Variants in WDR55 observed in about 807,000 individuals in gnomAD.
The protein encoded by WDR55 is WD repeat domain 55.
Under a neutral mutation model 34.0 loss-of-function variants are expected in WDR55, and 31 were observed. The observed-to-expected ratio is 0.91, with a 90% confidence interval of 0.69 to 1.23. The LOEUF is 1.23. WDR55 is among the 50% of genes most tolerant of loss of function. The pLI is 0.00. For synonymous variants in WDR55, 164 were observed against 185.9 expected, an observed-to-expected ratio of 0.88 and a Z score of 0.96; for missense variants, 440 against 494.6, an observed-to-expected ratio of 0.89 and a Z score of 1.05.
Position 140,668,399 on chromosome 5 carries a change from G to A in WDR55, c.293-16G>A, listed in dbSNP as rs115157171. On this transcript the variant is annotated splice_polypyrimidine_tract_variant and intron_variant, in intron 2 of 6. Coordinates refer to ENST00000358337, the MANE Select transcript of WDR55 (RefSeq NM_017706.5). ...GAGCAGTGAGCAGCACCATGACCTGGGCACCTTTTCCCCAGAGCTCATTAC... is the reference window on the plus strand; with the variant it reads ...GAGCAGTGAGCAGCACCATGACCTGAGCACCTTTTCCCCAGAGCTCATTAC... 2,701 of 1,614,168 alleles carry A rather than the reference G, an allele frequency of 1.7e-3. 34 individuals are homozygous for A. In the African/African-American group the frequency reaches 0.03, roughly 18 times the overall value.
rs950014290 is a variant in WDR55, at chr5:140,669,455, G to A, written c.953G>A (p.Arg318His). 1.2e-5 allele frequency: 20 copies of A among 1,613,988 alleles called. No homozygotes were observed. The highest frequency in any genetic ancestry group is 8.9e-5 in the East Asian group (4 of 44,884). The stretch of plus-strand genomic sequence containing the variant: ...CTGGCCAGTAGTGGCCATGACCAGC[G>A]CCTCAAGTTTTGGGACATGGCCCAG... ...RFLASSGHDQ[R>H]LKFWDMAQLR... The change falls in exon 7 of 7, where the codon CGC (arginine) becomes CAC (histidine). Residue 318 changes from arginine (R) to histidine (H), a missense_variant. Coordinates refer to ENST00000358337, the MANE Select transcript of WDR55 (RefSeq NM_017706.5).
chr5:140,668,092 A>G, intron 1 of WDR55, 142 bp from the exon 2 acceptor site: 1 of 836,326 alleles, frequency 1.2e-6, no homozygotes, highest in Non-Finnish European at 1.8e-6. Flanking sequence ...TGGAGAAATG[A>G]GATGGTAAAC....
chr5:140,666,619 A>T, intron 1 of WDR55: 1 of 985,128 alleles, frequency 1.0e-6, no homozygotes, highest in Admixed American at 6.1e-5. Context: ...CCATTTGTGT[A>T]ATTATTTGAA....
At position 140,669,486 on chromosome 5, in the gene WDR55, A is replaced by G. The variant is rs760588776; in HGVS notation, c.984A>G (p.Arg328=). The G allele has an allele frequency of 6.2e-7, 1 of 1,614,074 alleles. No homozygotes were observed. Among genetic ancestry groups the G allele is most frequent in the Admixed American group, 1.7e-5 (1 of 60,008 alleles). The change falls in exon 7 of 7, where the codon CGA becomes CGG. Residue 328 remains arginine (R), a synonymous_variant. Coordinates refer to ENST00000358337, the MANE Select transcript of WDR55 (RefSeq NM_017706.5). ...RLKFWDMAQL[R]AVVVDDYRRR... The stretch of plus-strand genomic sequence containing the variant: ...AGTTTTGGGACATGGCCCAGCTGCG[A>G]GCTGTGGTGGTGGATGACTACCGTC...
Position 140,666,991 on chromosome 5 carries a change from A to C in WDR55, c.192-1243A>C, listed in dbSNP as rs1438044278. The stretch of plus-strand genomic sequence containing the variant: ...TAATGAATTTAAACCTCAACCCCTC[A>C]TTAGCTGTAATGGCCTTGAGCGTGT... On this transcript the variant is annotated intron_variant, in intron 1 of 6. Coordinates refer to ENST00000358337, the MANE Select transcript of WDR55 (RefSeq NM_017706.5). 5.1e-6 allele frequency: 5 copies of C among 985,266 alleles called. No individual in the cohort carries two copies. In the African/African-American group the frequency reaches 8.7e-5, roughly 17 times the overall value. 61.0% of individuals were successfully genotyped at this position (985,266 alleles called of 1,614,324 possible).
rs757180420 is a variant in WDR55, at chr5:140,671,828, C to T, written c.*2174C>T. On this transcript the variant is annotated 3_prime_UTR_variant, in exon 7 of 7. Transcript: ENST00000358337. ...CCAGGTGGTGAGCCCTTTGGAGCTA[C>T]ACAGTCCTGTTATTTGTAGCCTTCC... 2.1e-6 allele frequency: 3 copies of T among 1,453,374 alleles called. No individual in the cohort carries two copies. Among genetic ancestry groups the T allele is most frequent in the Non-Finnish European group, 2.8e-6 (3 of 1,058,672 alleles). The allele number at this position is 1,453,374 out of a possible 1,614,324, so 90.0% of individuals were successfully genotyped here. A position where few individuals can be genotyped will look rare whatever the true frequency, so the allele number is the denominator to read the frequency against.
In WDR55 at chr5:140,668,500, T is replaced by G; in HGVS notation, c.378T>G (p.His126Gln). ...GQLERRVSKAHGAPINSLLLV... is the reference protein window; with the variant it reads ...GQLERRVSKAQGAPINSLLLV... ...TGGAAAGACGTGTTTCCAAGGCTCA[T>G]GGGTAAGGAGAGCAGCCAATTCTGT... Residue 126 changes from histidine (H) to glutamine (Q), a missense_variant and splice_region_variant, in exon 3 of 7, where the codon CAT becomes CAG. Coordinates refer to ENST00000358337, the MANE Select transcript of WDR55 (RefSeq NM_017706.5). 1 of 1,614,030 alleles carries G rather than the reference T, an allele frequency of 6.2e-7. No homozygotes were observed. The highest frequency in any genetic ancestry group is 1.1e-5 in the South Asian group (1 of 91,070).
chr5:140,666,823 T>A, intron 1 of WDR55: 1 of 985,388 alleles, frequency 1.0e-6, no homozygotes, highest in South Asian at 4.7e-5. Context: ...TGTTCTGGAG[T>A]GTAATCTGTC....
rs1204495377 is a variant in WDR55, at chr5:140,671,525, C to T, written c.*1871C>T. On this transcript the variant is annotated 3_prime_UTR_variant, in exon 7 of 7. Transcript: ENST00000358337. ...CCAGCCAGCAGGTCCTATGCCCAAA[C>T]ACTTGGTGAGGAACACAGGGCTGCC... 18 of 1,577,696 alleles carry T rather than the reference C, an allele frequency of 1.1e-5. No homozygotes were observed. Among genetic ancestry groups the T allele is most frequent in the Non-Finnish European group, 1.5e-5 (18 of 1,163,630 alleles).
At position 140,671,876 on chromosome 5, in the gene WDR55, G is replaced by C. The variant is rs1581494901; in HGVS notation, c.*2222G>C. On this transcript the variant is annotated 3_prime_UTR_variant, in exon 7 of 7. Coordinates refer to ENST00000358337, the MANE Select transcript of WDR55 (RefSeq NM_017706.5). Reference sequence around the variant, plus strand: ...TCCCATTTCCTGGTAGTGTGACCATGGGTAAGAAAAGACAATGAAGCCTTC... The same window carrying C: ...TCCCATTTCCTGGTAGTGTGACCATCGGTAAGAAAAGACAATGAAGCCTTC... 1 of 1,099,314 alleles carries C rather than the reference G, an allele frequency of 9.1e-7. No individual in the cohort carries two copies. Among genetic ancestry groups the C allele is most frequent in the East Asian group, 2.6e-5 (1 of 38,644 alleles). 68.1% of individuals were successfully genotyped at this position (1,099,314 alleles called of 1,614,324 possible).
In WDR55 at chr5:140,671,442, T is replaced by G; in HGVS notation, c.*1788T>G. 1.2e-6 allele frequency: 2 copies of G among 1,611,612 alleles called. No homozygotes were observed. The highest frequency in any genetic ancestry group is 1.7e-6 in the Non-Finnish European group (2 of 1,179,712). On this transcript the variant is annotated 3_prime_UTR_variant, in exon 7 of 7. Transcript: ENST00000358337. ...CCATCTAGGGTCAGCACAACCCAGA[T>G]GAGGCCGCTGAAGGGCACCGGATGC...
chr5:140,669,703 C>T lies in WDR55; in HGVS notation c.*49C>T. The T allele has an allele frequency of 6.6e-7, 1 of 1,523,716 alleles. No individual in the cohort carries two copies. Among genetic ancestry groups the T allele is most frequent in the Non-Finnish European group, 8.9e-7 (1 of 1,120,608 alleles). The allele number at this position is 1,523,716 out of a possible 1,614,324, so 94.4% of individuals were successfully genotyped here. ...GGGTCCTCACCAGGCAAGAGTCTTG[C>T]TTATTGGGCTGCATCCCCAGAGAGG... is the stretch of plus-strand genomic sequence containing the variant. On this transcript the variant is annotated 3_prime_UTR_variant, in exon 7 of 7. Coordinates refer to ENST00000358337, the MANE Select transcript of WDR55 (RefSeq NM_017706.5).
Position 140,664,921 on chromosome 5 carries a change from C to G in WDR55, c.9C>G (p.Arg3=), listed in dbSNP as rs779860126. The change falls in exon 1 of 7, where the codon CGC becomes CGG. Residue 3 remains arginine, a synonymous_variant. Transcript: ENST00000358337. ...TCGCAGTCCTTCTCAGCATGGACCG[C>G]ACTTGTGAGGAGAGGCCCGCTGAGG... is the stretch of plus-strand genomic sequence containing the variant. MD[R]TCEERPAEDG... is the part of the protein sequence containing the mutation. 1.2e-6 allele frequency: 2 copies of G among 1,603,390 alleles called. No individual in the cohort carries two copies. Among genetic ancestry groups the G allele is most frequent in the Non-Finnish European group, 1.7e-6 (2 of 1,175,358 alleles).
rs773826589 is a variant in WDR55, at chr5:140,669,548, G to A, written c.1046G>A (p.Ser349Asn). 5.6e-6 allele frequency: 9 copies of A among 1,614,010 alleles called. No homozygotes were observed. Among genetic ancestry groups the A allele is most frequent in the Non-Finnish European group, 7.6e-6 (9 of 1,180,012 alleles). Residue 349 changes from serine to asparagine, a missense_variant, in exon 7 of 7, where the codon AGC (serine) becomes AAC (asparagine). By Grantham distance (46) the Ser-to-Asn change is conservative (BLOSUM62 1). Transcript: ENST00000358337. ...KKKGGPLRAL[S>N]SKTWSTDDFF... ...AAGGGAGGACCACTGCGGGCTCTGA[G>A]CAGCAAGACTTGGAGCACCGATGAC... is the stretch of plus-strand genomic sequence containing the variant.
rs559983053 is a variant in WDR55 at position 140,671,003 on chromosome 5, G to A, written c.*1349G>A. On this transcript the variant is annotated 3_prime_UTR_variant, in exon 7 of 7. Coordinates refer to ENST00000358337, the MANE Select transcript of WDR55 (RefSeq NM_017706.5). ...TTCATGCTAAGCTGTGGCAGAGGGG[G>A]GAAGGTATGATCGGGTGGGGGTGGG... 2.0e-4 allele frequency: 104 copies of A among 528,340 alleles called. No individual in the cohort carries two copies. Among genetic ancestry groups the A allele is most frequent in the Non-Finnish European group, 3.1e-4 (91 of 291,080 alleles). The allele number at this position is 528,340 out of a possible 1,614,324, so 32.7% of individuals were successfully genotyped here.
At position 140,668,494 on chromosome 5, in the gene WDR55, G is replaced by C. The variant is rs750499741; in HGVS notation, c.372G>C (p.Lys124Asn). Residue 124 changes from lysine (K) to asparagine (N), a missense_variant, in exon 3 of 7, where the codon AAG becomes AAC. Physicochemically the swap from Lys to Asn is moderately conservative, Grantham distance 94. Transcript: ENST00000358337. ...GCCAACTGGAAAGACGTGTTTCCAAGGCTCATGGGTAAGGAGAGCAGCCAA... is the reference window on the plus strand; with the variant it reads ...GCCAACTGGAAAGACGTGTTTCCAACGCTCATGGGTAAGGAGAGCAGCCAA... ...EQGQLERRVS[K>N]AHGAPINSLL... 6.2e-7 allele frequency: 1 copy of C among 1,614,158 alleles called. No individual in the cohort carries two copies. The highest frequency in any genetic ancestry group is 8.5e-7 in the Non-Finnish European group (1 of 1,180,018).
Position 140,671,563 on chromosome 5 carries a change from T to C in WDR55, c.*1909T>C, listed in dbSNP as rs377680919. 7 of 1,567,238 alleles carry C rather than the reference T, an allele frequency of 4.5e-6. No individual in the cohort carries two copies. The highest frequency in any genetic ancestry group is 1.9e-5 in the Admixed American group (1 of 52,662). On this transcript the variant is annotated 3_prime_UTR_variant, in exon 7 of 7. Transcript: ENST00000358337. ...ACACAGGGCTGCCCAGCTTCATTCGTTGGCACAGCAACTGCAGGGTAGCCC... is the reference window on the plus strand; with the variant it reads ...ACACAGGGCTGCCCAGCTTCATTCGCTGGCACAGCAACTGCAGGGTAGCCC...
intron 1 of WDR55, chr5:140,666,690 T>A (rs969240475): frequency 1.0e-6 from 1 of 985,054 alleles, no homozygotes; most frequent in Non-Finnish European, 1.2e-6. Context: ...GAGAAATACC[T>A]TTTACATTAT....
chr5:140,671,651 G>A lies in WDR55; in HGVS notation c.*1997G>A, dbSNP rs1758077998. 1 of 1,580,716 alleles carries A rather than the reference G, an allele frequency of 6.3e-7. No homozygotes were observed. Among genetic ancestry groups the A allele is most frequent in the Non-Finnish European group, 8.6e-7 (1 of 1,163,624 alleles). On this transcript the variant is annotated 3_prime_UTR_variant, in exon 7 of 7. Coordinates refer to ENST00000358337, the MANE Select transcript of WDR55 (RefSeq NM_017706.5). ...CAACTGGCTGCCCTCTGGCTGTGGG[G>A]ACCGCAAGAAGGGACCCACAAGCTG...
Sources: gnomAD v4.1 joint callset for allele counts on GRCh38, gnomAD v4.1.1 for gene constraint, MANE v1.5 for transcripts, NCBI Gene and HGNC (gene_info 2026-07-23, HGNC 2026-07-21) for gene names.